The following NCAM2 variants were observed in gnomAD, a reference collection of about 807,000 sequenced individuals.
The protein encoded by NCAM2 is neural cell adhesion molecule 2, also known as N-CAM-2.
Under a neutral mutation model 98.1 loss-of-function variants are expected in NCAM2, and 30 were observed. The ratio of observed to expected loss-of-function variants is 0.31; its 90% CI spans 0.23 to 0.41. NCAM2 has a LOEUF of 0.41. NCAM2 is among the 10% of genes least tolerant of loss of function. NCAM2 has a pLI of 1.00. For synonymous variants in NCAM2, 368 were observed against 342.4 expected (o/e 1.07, Z -0.83); for missense variants, 867 against 1,005.8 (o/e 0.86, Z 1.87).
intron 1 of NCAM2, among the ~76,000 whole-genome samples, chr21:21,045,590 A>G (rs2064993247): frequency 6.6e-6 from 1 of 152,138 alleles, no homozygotes; most frequent in Non-Finnish European, 1.5e-5. Flanking sequence ...CCAAGAATAC[A>G]GTGAGCTGTG....
In NCAM2 at chr21:21,307,051, G is replaced by A. The variant is rs2073901435; in HGVS notation, c.619+14810G>A. On this transcript the variant is annotated intron_variant, in intron 5 of 17. Coordinates refer to ENST00000400546, the MANE Select transcript of NCAM2 (RefSeq NM_004540.5). The stretch of plus-strand genomic sequence containing the variant: ...CCTATACTTAAAGTGGGTTTTTGTA[G>A]GATGTGTACAGTTGTGGTTTTTTAA... Among the ~76,000 whole-genome samples, 3 of 84,958 alleles carry A rather than the reference G, an allele frequency of 3.5e-5. No individual in the cohort carries two copies. The South Asian group carries it at 1.7e-3, about 47-fold the overall frequency. 55.7% of individuals were successfully genotyped at this position (84,958 alleles called of 152,430 possible). A position where few individuals can be genotyped will look rare whatever the true frequency, so the allele number is the denominator to read the frequency against.
At chr21:21,421,170 T>G (rs1489161851) in intron 11 of NCAM2, among the ~76,000 whole-genome samples, 3 of 151,968 alleles carry the variant, frequency 2.0e-5, no homozygotes, top group African/African-American at 7.2e-5. Flanking sequence ...TTTAAAACAT[T>G]ATGTTGATTA....
intron 9 of NCAM2, among the ~76,000 whole-genome samples, chr21:21,392,162 T>G (rs958123750): frequency 6.6e-6 from 1 of 152,214 alleles, no homozygotes; most frequent in African/African-American, 2.4e-5. Context: ...CCATGTATTC[T>G]CATCATTTAA....
intron 15 of NCAM2, among the ~76,000 whole-genome samples, chr21:21,491,249 T>C (rs142435795): frequency 6.6e-6 from 1 of 151,860 alleles, no homozygotes; most frequent in Non-Finnish European, 1.5e-5. Flanking sequence ...AAAACATCGA[T>C]CTCTAGTGGG....
chr21:21,524,917 G>A lies in NCAM2; in HGVS notation c.2283-9620G>A, dbSNP rs193291231. Among the ~76,000 whole-genome samples, 24 of 152,022 alleles carry A rather than the reference G, an allele frequency of 1.6e-4. No homozygotes were observed. The East Asian group carries it at 4.4e-3, about 28-fold the overall frequency. ...CAATGTACATTTAAGTAACACATAG[G>A]TCCAAGAAAAAATCTCAAAAGAAAT... is the stretch of plus-strand genomic sequence containing the variant. On this transcript the variant is annotated intron_variant, in intron 16 of 17. Coordinates refer to ENST00000400546, the MANE Select transcript of NCAM2 (RefSeq NM_004540.5).
chr21:21,244,398 T>C (rs1490679823), intron 1 of NCAM2, among the ~76,000 whole-genome samples: 1 of 152,164 alleles, frequency 6.6e-6, no homozygotes, highest in African/African-American at 2.4e-5. Context: ...CATCATAAAC[T>C]CTCAGGTACC....
chr21:21,463,135 A>C (rs1039060607), intron 12 of NCAM2, among the ~76,000 whole-genome samples: 6 of 152,122 alleles, frequency 3.9e-5, no homozygotes, highest in African/African-American at 1.4e-4. Context: ...TCCAAGTGGT[A>C]GTTTTCTTTC....
intron 9 of NCAM2, among the ~76,000 whole-genome samples, chr21:21,379,229 C>T (rs933057347): frequency 3.9e-5 from 6 of 151,970 alleles, no homozygotes; most frequent in Non-Finnish European, 8.8e-5. Context: ...TTTGTTAATT[C>T]ATATTTTCTA....
At position 21,442,763 on chromosome 21, in the gene NCAM2, G is replaced by A. The variant is rs190441810; in HGVS notation, c.1654+10482G>A. 1.8e-3 allele frequency among the ~76,000 whole-genome samples: 272 copies of A among 152,214 alleles called. 1 individual carries two copies. The highest frequency in any genetic ancestry group is 2.9e-3 in the Non-Finnish European group (198 of 68,006). ...AAAGATGTTTGCTATATAATAATGA[G>A]TTACCTAAAGTGTGACTTTTCTAAA... On this transcript the variant is annotated intron_variant, in intron 12 of 17. Transcript: ENST00000400546.
chr21:21,518,912 A>C (rs1988858743), intron 16 of NCAM2, among the ~76,000 whole-genome samples: 1 of 152,198 alleles, frequency 6.6e-6, no homozygotes, highest in African/African-American at 2.4e-5. Context: ...GAAAGGCAGG[A>C]TGTTAAGTTG....
intron 1 of NCAM2, among the ~76,000 whole-genome samples, chr21:21,187,461 A>G (rs2068677657): frequency 6.6e-6 from 1 of 151,440 alleles, no homozygotes; most frequent in African/African-American, 2.4e-5. Context: ...AACAACAACA[A>G]CAAAAAAGGG....
intron 1 of NCAM2, among the ~76,000 whole-genome samples, chr21:21,126,228 A>T (rs1281881837): frequency 7.9e-6 from 1 of 126,780 alleles, no homozygotes; most frequent in Non-Finnish European, 1.7e-5. Context: ...CGATACTATC[A>T]TGGAACATAA....
chr21:21,464,766 G>A (rs535990477), intron 12 of NCAM2, among the ~76,000 whole-genome samples: 1 of 152,058 alleles, frequency 6.6e-6, no homozygotes, highest in East Asian at 1.9e-4. Context: ...TCTCTTCAGT[G>A]TAACTATATA....
chr21:21,515,653 A>G (rs1374357402), intron 16 of NCAM2, among the ~76,000 whole-genome samples: 2 of 152,174 alleles, frequency 1.3e-5, no homozygotes, highest in African/African-American at 4.8e-5. Context: ...AATTCAGTGG[A>G]AAATTTAATT....
intron 10 of NCAM2, among the ~76,000 whole-genome samples, chr21:21,415,978 G>A (rs557475610): frequency 6.6e-6 from 1 of 152,198 alleles, no homozygotes; most frequent in Admixed American, 6.5e-5. Flanking sequence ...TTTTTTTCAG[G>A]AACTCTCTCT....
chr21:21,207,252 G>A (rs188965442), intron 1 of NCAM2, among the ~76,000 whole-genome samples: 5 of 152,144 alleles, frequency 3.3e-5, no homozygotes, highest in African/African-American at 1.2e-4. Flanking sequence ...TAGCGTTCTC[G>A]AGCTTTAATT....
At chr21:21,475,028 CATAT>C (rs1193108741) in intron 14 of NCAM2, among the ~76,000 whole-genome samples, 1 of 128,606 alleles carries the variant, frequency 7.8e-6, no homozygotes, top group Non-Finnish European at 1.7e-5. Flanking sequence ...ATATAATACA[CATAT>C]ATAATGCACA....
intron 1 of NCAM2, among the ~76,000 whole-genome samples, chr21:21,174,445 A>G: frequency 6.6e-6 from 1 of 152,182 alleles, no homozygotes; most frequent in Admixed American, 6.5e-5. Context: ...AACAAATTGA[A>G]CTGGATATCC....
At chr21:21,395,035 T>G (rs574245851) in intron 9 of NCAM2, among the ~76,000 whole-genome samples, 40 of 152,256 alleles carry the variant, frequency 2.6e-4, no homozygotes, top group African/African-American at 9.4e-4. Flanking sequence ...CCTCATTGAA[T>G]GTATAAATTA....
Sources: gnomAD v4.1 joint callset for allele counts (sites outside exome capture counted in the v4.1 genomes callset) on GRCh38, gnomAD v4.1.1 for gene constraint, MANE v1.5 for transcripts, NCBI Gene and HGNC (gene_info 2026-07-23, HGNC 2026-07-21) for gene names.